Variants in ERO1B observed in about 807,000 individuals in gnomAD.
ERO1B encodes ERO1-like protein beta.
ERO1B carries 49 observed loss-of-function variants against 75.3 expected under a neutral mutation model. The ratio of observed to expected loss-of-function variants is 0.65; its 90% CI spans 0.52 to 0.83. The LOEUF (loss-of-function observed/expected upper bound fraction) is 0.83. ERO1B is among the 40% of genes least tolerant of loss of function. ERO1B has a pLI of 0.00. For synonymous variants in ERO1B, 191 were observed against 192.9 expected (o/e 0.99, Z 0.08); for missense variants, 512 against 560.1 (o/e 0.91, Z 0.87).
chr1:236,262,445 C>T (rs1310053246), intron 2 of ERO1B, among the ~76,000 whole-genome samples: 1 of 152,128 alleles, frequency 6.6e-6, no homozygotes, highest in Admixed American at 6.5e-5. Flanking sequence ...CTCTGTCGCC[C>T]AGGCTGGAGT....
At chr1:236,238,573 GA>G (rs1478041490) in intron 6 of ERO1B, among the ~76,000 whole-genome samples, 5 of 136,674 alleles carry the variant, frequency 3.7e-5, no homozygotes, top group African/African-American at 1.4e-4. Context: ...TTTTAGGAAA[GA>G]AAAAAAATCT....
At chr1:236,249,846 A>G in intron 5 of ERO1B, 39 bp downstream of exon 5, 2 of 1,400,680 alleles carry the variant, frequency 1.4e-6, no homozygotes, top group Non-Finnish European at 2.0e-6. Context: ...CTTGATATCA[A>G]TGAGAATATT....
intron 2 of ERO1B, among the ~76,000 whole-genome samples, chr1:236,257,722 A>G (rs980488344): frequency 2.0e-5 from 3 of 151,730 alleles, no homozygotes; most frequent in African/African-American, 7.3e-5. Flanking sequence ...AAGAGGTAGA[A>G]AATATTTTTA....
intron 6 of ERO1B, among the ~76,000 whole-genome samples, chr1:236,237,602 G>A (rs573003573): frequency 1.3e-4 from 20 of 152,230 alleles, no homozygotes; most frequent in Non-Finnish European, 1.8e-4. Flanking sequence ...TATGGCACAC[G>A]TATATTCCTT....
intron 10 of ERO1B, among the ~76,000 whole-genome samples, chr1:236,227,139 TAGC>T (rs1664299656): frequency 6.6e-6 from 1 of 152,200 alleles, no homozygotes; most frequent in Non-Finnish European, 1.5e-5. Context: ...TGTTATTTGC[TAGC>T]AGAGAAATAA....
chr1:236,221,767 ATACTT>A (rs1251084765), intron 14 of ERO1B, 152 bp downstream of exon 14: 3 of 458,560 alleles, frequency 6.5e-6, no homozygotes, highest in Non-Finnish European at 1.1e-5. Flanking sequence ...TGTAACACAT[ATACTT>A]TAATTTTTTC....
chr1:236,226,006 AT>A (rs1230627645), intron 12 of ERO1B, among the ~76,000 whole-genome samples: 1 of 152,236 alleles, frequency 6.6e-6, no homozygotes, highest in African/African-American at 2.4e-5. Context: ...GTAGCACTAA[AT>A]TTTGATACTA....
chr1:236,232,998 A>G (rs1374089514), intron 8 of ERO1B, among the ~76,000 whole-genome samples, 159 bp from the exon 9 acceptor site: 1 of 152,172 alleles, frequency 6.6e-6, no homozygotes, highest in African/African-American at 2.4e-5. Context: ...ATCAGAATAC[A>G]GGTCAAAGAG....
chr1:236,253,316 T>C, intron 3 of ERO1B, 106 bp downstream of exon 3: 1 of 674,276 alleles, frequency 1.5e-6, no homozygotes, highest in East Asian at 2.7e-5. Flanking sequence ...ATGAATTTGC[T>C]GACACATCCA....
At chr1:236,221,824 C>T (rs1190542960) in intron 14 of ERO1B, 100 bp downstream of exon 14, 6 of 900,424 alleles carry the variant, frequency 6.7e-6, no homozygotes, top group Non-Finnish European at 1.0e-5. Flanking sequence ...TTCCTAAATT[C>T]TAATTCAATG....
Position 236,235,923 on chromosome 1 carries a change from C to T in ERO1B, c.627-88G>A, listed in dbSNP as rs1664529760. ...TTCCAATAGAAACAAATACTCCCCT[C>T]CCCACCCTCTTTTTTTTTTGAGACA... On this transcript the variant is annotated intron_variant, in intron 7 of 15. Coordinates refer to ENST00000354619, the MANE Select transcript of ERO1B (RefSeq NM_019891.4). 10 of 1,160,164 alleles carry T rather than the reference C, an allele frequency of 8.6e-6. No homozygotes were observed. In the South Asian group the frequency reaches 9.8e-5, roughly 11 times the overall value. 71.9% of individuals were successfully genotyped at this position (1,160,164 alleles called of 1,614,324 possible). A position where few individuals can be genotyped will look rare whatever the true frequency, so the allele number is the denominator to read the frequency against.
At position 236,280,750 on chromosome 1, in the gene ERO1B, T is replaced by C. The variant is rs182907077; in HGVS notation, c.102+932A>G. 1.9e-3 allele frequency among the ~76,000 whole-genome samples: 289 copies of C among 152,338 alleles called. 1 individual carries two copies. The highest frequency in any genetic ancestry group is 6.8e-3 in the African/African-American group (284 of 41,580). On this transcript the variant is annotated intron_variant, in intron 1 of 15. Transcript: ENST00000354619. ...TTTTTCTTGGATGAGCACTAATTGC[T>C]TCAAATGACATCTCCCCTCATCATC...
rs182754302 is a variant in ERO1B at position 236,225,098 on chromosome 1, C to T, written c.1094G>A (p.Gly365Asp). 1.3e-5 allele frequency: 21 copies of T among 1,613,836 alleles called. No homozygotes were observed. Among genetic ancestry groups the T allele is most frequent in the East Asian group, 4.5e-5 (2 of 44,872 alleles). Residue 365 changes from glycine to aspartate, a missense_variant, in exon 13 of 16, where the codon GGT becomes GAT. Coordinates refer to ENST00000354619, the MANE Select transcript of ERO1B (RefSeq NM_019891.4). ...TAGTGACTTGGCCCCTTTTTTGTCA[C>T]CTGCAAACATGGATTTCTCATCAAA... is the stretch of plus-strand genomic sequence containing the variant. ...MHFDEKSMFA[G>D]DKKGAKSLKE...
rs766593905 is a variant in ERO1B, at chr1:236,253,544, G to A, written c.223-39C>T. 3.0e-6 allele frequency: 4 copies of A among 1,326,882 alleles called. No homozygotes were observed. In the South Asian group the frequency reaches 4.9e-5, roughly 16 times the overall value. 82.2% of individuals were successfully genotyped at this position (1,326,882 alleles called of 1,614,324 possible). A position where few individuals can be genotyped will look rare whatever the true frequency, so the allele number is the denominator to read the frequency against. On this transcript the variant is annotated intron_variant, in intron 2 of 15. Transcript: ENST00000354619. ...ACAAAGTTAGTAAACTCATATTATAGTTATGGGGTGCTCTCAAAGTGTCAT... is the reference window on the plus strand; with the variant it reads ...ACAAAGTTAGTAAACTCATATTATAATTATGGGGTGCTCTCAAAGTGTCAT...
intron 6 of ERO1B, among the ~76,000 whole-genome samples, chr1:236,242,431 C>T (rs1378134373): frequency 1.3e-5 from 2 of 151,940 alleles, no homozygotes; most frequent in Admixed American, 1.3e-4. Flanking sequence ...ATTAATTACC[C>T]CTTAGTATAA....
intron 1 of ERO1B, among the ~76,000 whole-genome samples, chr1:236,278,625 A>G (rs757041146): frequency 5.5e-4 from 84 of 152,088 alleles, no homozygotes; most frequent in Non-Finnish European, 7.9e-4. Context: ...GTATTACTCA[A>G]TTTTATGCCA....
At chr1:236,225,734 A>C (rs1246109984) in intron 12 of ERO1B, among the ~76,000 whole-genome samples, 1 of 152,232 alleles carries the variant, frequency 6.6e-6, no homozygotes, top group African/African-American at 2.4e-5. Context: ...CAGGAGCTTG[A>C]GACCAGCCTG....
At chr1:236,233,170 A>G (rs1265670971) in intron 8 of ERO1B, among the ~76,000 whole-genome samples, 1 of 151,892 alleles carries the variant, frequency 6.6e-6, no homozygotes, top group East Asian at 1.9e-4. Flanking sequence ...TTAGCCAGGC[A>G]TGGTGGCATG....
At chr1:236,252,911 A>G (rs181001097) in intron 3 of ERO1B, among the ~76,000 whole-genome samples, 46 of 152,234 alleles carry the variant, frequency 3.0e-4, no homozygotes, top group African/African-American at 1.1e-3. Context: ...ATGTTAGATA[A>G]CAAAAATCAA....
Sources: gnomAD v4.1 joint callset for allele counts (sites outside exome capture counted in the v4.1 genomes callset) on GRCh38, gnomAD v4.1.1 for gene constraint, MANE v1.5 for transcripts, NCBI Gene and HGNC (gene_info 2026-07-23, HGNC 2026-07-21) for gene names.